FASTKD2: variants seen among roughly 807,000 people sequenced by gnomAD.
The protein encoded by FASTKD2 is FAST kinase domain-containing protein 2, mitochondrial.
Under a neutral mutation model 63.6 loss-of-function variants are expected in FASTKD2, and 51 were observed. The ratio of observed to expected loss-of-function variants is 0.80; its 90% CI spans 0.64 to 1.01. The LOEUF (loss-of-function observed/expected upper bound fraction) is 1.01, where lower values mean the gene tolerates loss of function less well. Ranked by LOEUF, FASTKD2 falls within the 50% of genes least tolerant of loss-of-function variation. The pLI is 0.00. For missense variants in FASTKD2, 786 were observed against 831.1 expected, an observed-to-expected ratio of 0.95 and a Z score of 0.67; for synonymous variants, 284 against 293.4, an observed-to-expected ratio of 0.97 and a Z score of 0.33.
intron 7 of FASTKD2, among the ~76,000 whole-genome samples, chr2:206,781,775 C>T (rs1689987681): frequency 6.6e-6 from 1 of 150,512 alleles, no homozygotes; most frequent in Non-Finnish European, 1.5e-5. Flanking sequence ...CCTTTCTCTC[C>T]TTCGCTGTAG....
At chr2:206,776,319 G>C (rs766352867) in intron 7 of FASTKD2, among the ~76,000 whole-genome samples, 9 of 151,744 alleles carry the variant, frequency 5.9e-5, no homozygotes, top group African/African-American at 9.7e-5. Context: ...CATTCTGTAG[G>C]TTGCTTTTTC....
chr2:206,766,712 C>G lies in FASTKD2; in HGVS notation c.19C>G (p.Pro7Ala). The G allele has an allele frequency of 6.2e-7, 1 of 1,614,036 alleles. No individual in the cohort carries two copies. The highest frequency in any genetic ancestry group is 8.5e-7 in the Non-Finnish European group (1 of 1,179,972). The change falls in exon 2 of 12, where the codon CCA (proline) becomes GCA (alanine). Residue 7 changes from proline (P) to alanine (A), a missense_variant. Transcript: ENST00000402774. Reference sequence around the variant, plus strand: ...TGGTTTCATGTTGACAACTTTGAAGCCATTTGGAAGTGTTTCAGTGGAGAG... The same window carrying G: ...TGGTTTCATGTTGACAACTTTGAAGGCATTTGGAAGTGTTTCAGTGGAGAG... MLTTLK[P>A]FGSVSVESKM...
In FASTKD2 at chr2:206,767,216, A is replaced by G. The variant is rs747834002; in HGVS notation, c.523A>G (p.Lys175Glu). 1.4e-5 allele frequency: 23 copies of G among 1,614,122 alleles called. No individual in the cohort carries two copies. The highest frequency in any genetic ancestry group is 1.0e-4 in the Admixed American group (6 of 60,012). Residue 175 changes from lysine (K) to glutamate (E), a missense_variant, in exon 2 of 12, where the codon AAA becomes GAA. By Grantham distance (56) the Lys-to-Glu change is moderately conservative. Coordinates refer to ENST00000402774, the MANE Select transcript of FASTKD2 (RefSeq NM_001136193.2). ...SLSDVLDAFSKAPTFPSSNYF... is the reference protein window; with the variant it reads ...SLSDVLDAFSEAPTFPSSNYF... ...GAGTGATGTGTTAGATGCATTTTCA[A>G]AAGCGCCCACATTTCCTAGTAGCAA...
Position 206,794,110 on chromosome 2 carries a change from G to C in FASTKD2, c.*2308G>C, listed in dbSNP as rs1159902227. Among the ~76,000 whole-genome samples, 2 of 149,732 alleles carry C rather than the reference G, an allele frequency of 1.3e-5. No homozygotes were observed. The highest frequency in any genetic ancestry group is 2.9e-5 in the Non-Finnish European group (2 of 67,836). ...ATATTTAAAGTGTACCGTTAGGTCA[G>C]TTTTGACGTACATACACACACACAC... On this transcript the variant is annotated 3_prime_UTR_variant, in exon 12 of 12. Coordinates refer to ENST00000402774, the MANE Select transcript of FASTKD2 (RefSeq NM_001136193.2).
chr2:206,782,160 C>T (rs1690004046), intron 7 of FASTKD2, among the ~76,000 whole-genome samples: 3 of 152,106 alleles, frequency 2.0e-5, no homozygotes, highest in Non-Finnish European at 2.9e-5. Flanking sequence ...AGTGAAAAGC[C>T]GGATGTTGGT....
chr2:206,790,550 T>C, intron 10 of FASTKD2, 22 bp from the exon 11 acceptor site: 1 of 1,346,798 alleles, frequency 7.4e-7, no homozygotes, highest in South Asian at 1.2e-5. Flanking sequence ...ACTGTTCTTG[T>C]TTTGTTTATT....
At chr2:206,766,294 A>G (rs906827631) in intron 1 of FASTKD2, among the ~76,000 whole-genome samples, 2 of 150,334 alleles carry the variant, frequency 1.3e-5, no homozygotes, top group Non-Finnish European at 3.0e-5. Context: ...AACAGAGAAG[A>G]GAAAAGAAAA....
At chr2:206,770,864 A>G (rs886831343) in intron 3 of FASTKD2, among the ~76,000 whole-genome samples, 1 of 152,196 alleles carries the variant, frequency 6.6e-6, no homozygotes, top group Non-Finnish European at 1.5e-5. Flanking sequence ...TAAAATTGAT[A>G]TAAATGATCT....
intron 8 of FASTKD2, 42 bp downstream of exon 8, chr2:206,786,941 T>C: frequency 2.0e-6 from 2 of 998,698 alleles, no homozygotes; most frequent in East Asian, 2.8e-5. Context: ...TGTGACCAAT[T>C]CTGCACTACC....
At chr2:206,779,812 T>C (rs952103337) in intron 7 of FASTKD2, among the ~76,000 whole-genome samples, 43 of 152,250 alleles carry the variant, frequency 2.8e-4, no homozygotes, top group African/African-American at 9.6e-4. Flanking sequence ...CAGTTTTTTC[T>C]TCTATCTTTT....
intron 2 of FASTKD2, among the ~76,000 whole-genome samples, chr2:206,768,514 A>G (rs1367559076): frequency 3.3e-5 from 5 of 152,154 alleles, no homozygotes; most frequent in African/African-American, 1.2e-4. Flanking sequence ...CAGCCTGGGC[A>G]ACAAAGGGAG....
chr2:206,788,879 C>T lies in FASTKD2; in HGVS notation c.1874C>T (p.Thr625Ile), dbSNP rs773680609. ...NQVLPLSDVD[T>I]TSATDIQRVA... ...GTGCTACCACTTTCTGATGTGGATA[C>T]AACTTCTGCTACAGATATTCAAAGG... Residue 625 changes from threonine (T) to isoleucine (I), a missense_variant, in exon 10 of 12, where the codon ACA (threonine) becomes ATA (isoleucine). Coordinates refer to ENST00000402774, the MANE Select transcript of FASTKD2 (RefSeq NM_001136193.2). The T allele has an allele frequency of 2.6e-6, 4 of 1,566,896 alleles. No homozygotes were observed. Among genetic ancestry groups the T allele is most frequent in the South Asian group, 2.2e-5 (2 of 90,108 alleles).
At chr2:206,776,826 G>A (rs1689836667) in intron 7 of FASTKD2, among the ~76,000 whole-genome samples, 2 of 151,592 alleles carry the variant, frequency 1.3e-5, no homozygotes, top group Admixed American at 1.3e-4. Context: ...TTCTATTTCT[G>A]TAAAAAAATG....
At chr2:206,767,961 G>A (rs1023192922) in intron 2 of FASTKD2, among the ~76,000 whole-genome samples, 2 of 152,360 alleles carry the variant, frequency 1.3e-5, no homozygotes, top group Middle Eastern at 3.4e-3. Context: ...AAGTAGTTTG[G>A]TGTAGCTGAA....
rs776892481 is a variant in FASTKD2 at position 206,791,751 on chromosome 2, T to C, written c.2082T>C (p.Tyr694=). 35 of 1,612,520 alleles carry C rather than the reference T, an allele frequency of 2.2e-5. No individual in the cohort carries two copies. Among genetic ancestry groups the C allele is most frequent in the Non-Finnish European group, 1.7e-6 (2 of 1,178,964 alleles). ...DAVTFLKTKI[Y]SVEALPVAAV... ...TCACATTTTTGAAGACTAAAATCTATTCAGTAGAAGCTCTTCCTGTTGCTG... is the reference window on the plus strand; with the variant it reads ...TCACATTTTTGAAGACTAAAATCTACTCAGTAGAAGCTCTTCCTGTTGCTG... Residue 694 remains tyrosine (Y), a synonymous_variant, in exon 12 of 12, where the codon TAT becomes TAC. Coordinates refer to ENST00000402774, the MANE Select transcript of FASTKD2 (RefSeq NM_001136193.2).
chr2:206,767,235 G>C lies in FASTKD2; in HGVS notation c.542G>C (p.Ser181Thr), dbSNP rs769622000. The C allele has an allele frequency of 6.2e-7, 1 of 1,614,214 alleles. No homozygotes were observed. The highest frequency in any genetic ancestry group is 1.3e-5 in the African/African-American group (1 of 75,064). The change falls in exon 2 of 12, where the codon AGT (serine) becomes ACT (threonine). Residue 181 changes from serine to threonine, a missense_variant. Coordinates refer to ENST00000402774, the MANE Select transcript of FASTKD2 (RefSeq NM_001136193.2). ...DAFSKAPTFP[S>T]SNYFTAMWTI... is the part of the protein sequence containing the mutation. ...TTTTCAAAAGCGCCCACATTTCCTA[G>C]TAGCAACTATTTCACAGCAATGTGG...
Position 206,791,891 on chromosome 2 carries a change from C to T in FASTKD2, c.*89C>T. ...TCAGTTGTCAATGGAATTGAGCTAT[C>T]TGCTAAGACAAAAAATGTTACCTCA... On this transcript the variant is annotated 3_prime_UTR_variant, in exon 12 of 12. Coordinates refer to ENST00000402774, the MANE Select transcript of FASTKD2 (RefSeq NM_001136193.2). 1 of 1,221,174 alleles carries T rather than the reference C, an allele frequency of 8.2e-7. No individual in the cohort carries two copies. Among genetic ancestry groups the T allele is most frequent in the South Asian group, 1.3e-5 (1 of 78,256 alleles). The allele number at this position is 1,221,174 out of a possible 1,614,324, so 75.6% of individuals were successfully genotyped here.
At chr2:206,777,532 C>T (rs553673963) in intron 7 of FASTKD2, among the ~76,000 whole-genome samples, 1 of 152,024 alleles carries the variant, frequency 6.6e-6, no homozygotes, top group Non-Finnish European at 1.5e-5. Flanking sequence ...CCTTTTTATT[C>T]ATGGTGTATG....
intron 7 of FASTKD2, among the ~76,000 whole-genome samples, chr2:206,779,907 TA>T (rs1689922747): frequency 6.6e-6 from 1 of 152,156 alleles, no homozygotes; most frequent in African/African-American, 2.4e-5. Context: ...GTGTAGTCTC[TA>T]AAGGTGTTTC....
Sources: allele counts gnomAD v4.1 joint callset (sites outside exome capture counted in the v4.1 genomes callset), GRCh38; gene constraint gnomAD v4.1.1; transcripts MANE v1.5; gene names NCBI Gene and HGNC (gene_info 2026-07-23, HGNC 2026-07-21).